The following SIL1 variants were observed in gnomAD, a reference collection of about 807,000 sequenced individuals.
The protein encoded by SIL1 is SIL1 nucleotide exchange factor, also known as nucleotide exchange factor SIL1.
In SIL1, 40 loss-of-function variants were observed where a neutral mutation model predicts 49.1. The ratio of observed to expected loss-of-function variants is 0.81; its 90% confidence interval spans 0.63 to 1.06. SIL1 has a LOEUF of 1.06. Among genes scored for constraint, SIL1 ranks in the 50% least tolerant of loss-of-function variants. The pLI is 0.00. For missense variants in SIL1, 500 were observed against 572.6 expected (o/e 0.87, Z 1.29); for synonymous variants, 253 against 250.8 (o/e 1.01, Z -0.08).
At chr5:139,184,771 C>T (rs1752049197) in intron 1 of SIL1, among the ~76,000 whole-genome samples, 1 of 152,180 alleles carries the variant, frequency 6.6e-6, no homozygotes, top group South Asian at 2.1e-4. Flanking sequence ...ACATACTTTA[C>T]ACCTGATTGT....
intron 1 of SIL1, among the ~76,000 whole-genome samples, chr5:139,160,145 A>ACT (rs1347630495): frequency 4.6e-4 from 15 of 32,474 alleles, no homozygotes; most frequent in Non-Finnish European, 8.5e-4. Context: ...TTCCACAATC[A>ACT]CACACACACA....
At chr5:139,142,301 G>C (rs1368521401) in intron 1 of SIL1, among the ~76,000 whole-genome samples, 1 of 152,172 alleles carries the variant, frequency 6.6e-6, no homozygotes, top group Non-Finnish European at 1.5e-5. Flanking sequence ...TATGAAGTCA[G>C]CATTACCCTG....
At chr5:139,022,983 G>A (rs567732907) in intron 6 of SIL1, among the ~76,000 whole-genome samples, 11 of 152,286 alleles carry the variant, frequency 7.2e-5, no homozygotes, top group African/African-American at 2.6e-4. Flanking sequence ...CACTTATAAA[G>A]CTGGTATGAG....
intron 3 of SIL1, among the ~76,000 whole-genome samples, chr5:139,090,409 A>G (rs567832369): frequency 4.6e-5 from 7 of 152,272 alleles, no homozygotes; most frequent in African/African-American, 1.4e-4. Context: ...ATACACATAC[A>G]CACAAACAGG....
chr5:138,953,108 G>A (rs1766820079), intron 7 of SIL1, among the ~76,000 whole-genome samples: 1 of 152,202 alleles, frequency 6.6e-6, no homozygotes. Flanking sequence ...AAAGGACACC[G>A]CAGTCTACCA....
chr5:139,058,530 T>C (rs1334460949), intron 3 of SIL1, among the ~76,000 whole-genome samples: 2 of 152,228 alleles, frequency 1.3e-5, no homozygotes, highest in Non-Finnish European at 2.9e-5. Flanking sequence ...TTGGGATTTA[T>C]TTCACTCCAA....
chr5:139,042,805 A>C (rs1769075798), intron 4 of SIL1, 86 bp from the exon 5 acceptor site: 1 of 1,178,728 alleles, frequency 8.5e-7, no homozygotes, highest in East Asian at 2.3e-5. Context: ...TGGGTGGCCA[A>C]GATGGAAGGA....
At chr5:139,042,757 G>A (rs775210264) in intron 4 of SIL1, 38 bp from the exon 5 acceptor site, 5 of 1,583,186 alleles carry the variant, frequency 3.2e-6, no homozygotes, top group Non-Finnish European at 4.3e-6. Flanking sequence ...GGGAGGCATG[G>A]CTAGGCTTGG....
At chr5:139,028,495 CACAAAACAAAACAAA>C (rs56269800) in intron 5 of SIL1, among the ~76,000 whole-genome samples, 55,152 of 149,068 alleles carry the variant, frequency 0.37, 10,608 homozygotes, top group African/African-American at 0.48. Context: ...GAGACTCCAT[CACAAAACAAAACAAA>C]ACAAAACAAA....
In SIL1 at chr5:139,121,071, A is replaced by G. The variant is rs1225281858; in HGVS notation, c.208T>C (p.Phe70Leu). ...GCCTGCCACTCATGCGTCGGGTGGA[A>G]CACCTCCAGGACTTCGGCATCCAGC... The part of the protein sequence containing the change: ...EELDAEVLEV[F>L]HPTHEWQALQ... The change falls in exon 3 of 10, where the codon TTC (phenylalanine) becomes CTC (leucine). Residue 70 changes from phenylalanine to leucine, a missense_variant. Phe to Leu is a conservative substitution (Grantham distance 22, BLOSUM62 0). Transcript: ENST00000394817. The G allele has an allele frequency of 6.2e-7, 1 of 1,614,126 alleles. No individual in the cohort carries two copies. Among genetic ancestry groups the G allele is most frequent in the East Asian group, 2.2e-5 (1 of 44,884 alleles).
Position 139,026,939 on chromosome 5 carries a change from T to G in SIL1, c.507A>C (p.Lys169Asn). 1 of 1,614,228 alleles carries G rather than the reference T, an allele frequency of 6.2e-7. No individual in the cohort carries two copies. The highest frequency in any genetic ancestry group is 8.5e-7 in the Non-Finnish European group (1 of 1,180,042). ...TGACAACATTCAGCTCATCAAAGTCTTTCTTCAGTTCCTCAATGGGGCGGA... is the reference window on the plus strand; with the variant it reads ...TGACAACATTCAGCTCATCAAAGTCGTTCTTCAGTTCCTCAATGGGGCGGA... ...RLFRPIEELK[K>N]DFDELNVVIE... is the part of the protein sequence containing the mutation. The change falls in exon 6 of 10, where the codon AAA becomes AAC. Residue 169 changes from lysine (K) to asparagine (N), a missense_variant. By Grantham distance (94) the Lys-to-Asn change is moderately conservative (BLOSUM62 0). Transcript: ENST00000394817.
At chr5:138,965,478 C>G (rs1028868814) in intron 7 of SIL1, among the ~76,000 whole-genome samples, 1 of 151,906 alleles carries the variant, frequency 6.6e-6, no homozygotes, top group Non-Finnish European at 1.5e-5. Context: ...TTGTCCAAAC[C>G]GGGACACTTT....
chr5:139,019,314 A>T (rs1768467843), intron 7 of SIL1, among the ~76,000 whole-genome samples: 1 of 152,184 alleles, frequency 6.6e-6, no homozygotes, highest in South Asian at 2.1e-4. Context: ...ATGTAGAAAT[A>T]TCCTTACCTT....
chr5:139,148,696 G>A (rs1008377587), intron 1 of SIL1, among the ~76,000 whole-genome samples: 3 of 152,250 alleles, frequency 2.0e-5, no homozygotes, highest in Non-Finnish European at 4.4e-5. Flanking sequence ...ACAAGGGTGT[G>A]AGAGAGGCCA....
intron 3 of SIL1, among the ~76,000 whole-genome samples, chr5:139,118,469 G>T (rs1750526626): frequency 6.6e-6 from 1 of 152,136 alleles, no homozygotes; most frequent in African/African-American, 2.4e-5. Context: ...GGCAGGGCAG[G>T]ACACTTCCCC....
At chr5:139,144,843 C>T (rs189256429) in intron 1 of SIL1, among the ~76,000 whole-genome samples, 22 of 151,840 alleles carry the variant, frequency 1.4e-4, no homozygotes, top group African/African-American at 4.8e-4. Context: ...TGCACTCCAG[C>T]ATGGGCAACA....
rs1751522779 is a variant in SIL1, at chr5:139,161,975, T to C, written c.-10-34122A>G. On this transcript the variant is annotated intron_variant, in intron 1 of 9. Transcript: ENST00000394817. Reference sequence around the variant, plus strand: ...TTGCAGTGAGCCAAGATCATGCCACTGCACTCCAGCCTGGGCAACAGAGAG... The same window carrying C: ...TTGCAGTGAGCCAAGATCATGCCACCGCACTCCAGCCTGGGCAACAGAGAG... 4.0e-5 allele frequency among the ~76,000 whole-genome samples: 6 copies of C among 151,228 alleles called. No homozygotes were observed. In the South Asian group the frequency reaches 1.3e-3, roughly 32 times the overall value.
At chr5:139,125,173 G>A (rs1162356977) in intron 2 of SIL1, among the ~76,000 whole-genome samples, 8 of 152,144 alleles carry the variant, frequency 5.3e-5, no homozygotes, top group Non-Finnish European at 4.4e-5. Context: ...AGAGAGGCAG[G>A]CCAGCCCTTG....
At chr5:139,123,362 T>C (rs1750687159) in intron 2 of SIL1, among the ~76,000 whole-genome samples, 1 of 152,196 alleles carries the variant, frequency 6.6e-6, no homozygotes, top group South Asian at 2.1e-4. Flanking sequence ...GCAGGCACCA[T>C]GTCAGTCTCC....
Sources: gnomAD v4.1 joint callset for allele counts (sites outside exome capture counted in the v4.1 genomes callset) on GRCh38, gnomAD v4.1.1 for gene constraint, MANE v1.5 for transcripts, NCBI Gene and HGNC (gene_info 2026-07-23, HGNC 2026-07-21) for gene names.